LRRC49: variants seen among roughly 807,000 people sequenced by gnomAD.
LRRC49 encodes leucine-rich repeat-containing protein 49.
Under a neutral mutation model 83.3 loss-of-function variants are expected in LRRC49, and 50 were observed. That is an observed-to-expected ratio of 0.60 (90% CI 0.48 to 0.76). The LOEUF is 0.76. Among genes scored for constraint, LRRC49 ranks in the 30% least tolerant of loss-of-function variants. LRRC49 has a pLI of 0.00. For missense variants in LRRC49, 704 were observed against 809.1 expected (o/e 0.87, Z 1.58); for synonymous variants, 286 against 283.3 (o/e 1.01, Z -0.10).
chr15:70,954,820 C>A (rs2036341815), intron 8 of LRRC49, among the ~76,000 whole-genome samples: 1 of 152,090 alleles, frequency 6.6e-6, no homozygotes, highest in Non-Finnish European at 1.5e-5. Flanking sequence ...CTGGGGTGTT[C>A]CCAGACCATT....
rs943173226 is a variant in LRRC49 at position 70,923,729 on chromosome 15, G to A, written c.711+4536G>A. On this transcript the variant is annotated intron_variant, in intron 7 of 15. Coordinates refer to ENST00000260382, the MANE Select transcript of LRRC49 (RefSeq NM_017691.5). ...AGAATTCCCAGTACAAAATGCACCC[G>A]GATTCTCTAAATGATAACATTTTGC... Among the ~76,000 whole-genome samples, 7 of 151,622 alleles carry A rather than the reference G, an allele frequency of 4.6e-5. No individual in the cohort carries two copies. The East Asian group carries it at 7.7e-4, about 17-fold the overall frequency.
chr15:70,946,181 A>C (rs1473747256), intron 8 of LRRC49, among the ~76,000 whole-genome samples: 1 of 152,170 alleles, frequency 6.6e-6, no homozygotes, highest in Non-Finnish European at 1.5e-5. Flanking sequence ...TATAATCACC[A>C]TGTTGAACTA....
intron 14 of LRRC49, among the ~76,000 whole-genome samples, chr15:71,023,766 G>T (rs117759774): frequency 6.6e-6 from 1 of 152,250 alleles, no homozygotes; most frequent in South Asian, 2.1e-4. Flanking sequence ...GCACAGAGCT[G>T]TGCAGATTCT....
At chr15:71,007,034 A>G (rs1364160135) in intron 11 of LRRC49, among the ~76,000 whole-genome samples, 1 of 152,108 alleles carries the variant, frequency 6.6e-6, no homozygotes, top group Non-Finnish European at 1.5e-5. Flanking sequence ...CATAATAATC[A>G]TTGTCTTAAG....
intron 8 of LRRC49, among the ~76,000 whole-genome samples, chr15:70,963,381 G>A (rs901310612): frequency 1.3e-5 from 2 of 151,308 alleles, no homozygotes; most frequent in Admixed American, 6.6e-5. Context: ...TAACTGATGA[G>A]TATTCCTCGA....
chr15:70,900,015 C>T (rs575484324), intron 3 of LRRC49, among the ~76,000 whole-genome samples: 2 of 152,272 alleles, frequency 1.3e-5, no homozygotes, highest in South Asian at 4.2e-4. Flanking sequence ...CATTTACATT[C>T]TTCTAGTTCT....
At chr15:70,999,970 C>T (rs2038204123) in intron 11 of LRRC49, among the ~76,000 whole-genome samples, 1 of 152,196 alleles carries the variant, frequency 6.6e-6, no homozygotes, top group South Asian at 2.1e-4. Context: ...TGTCAAAACA[C>T]ACAACTACAA....
Position 71,036,757 on chromosome 15 carries a change from A to G in LRRC49, c.1704-422A>G, listed in dbSNP as rs78301568. 3.3e-3 allele frequency among the ~76,000 whole-genome samples: 499 copies of G among 152,320 alleles called. 2 individuals carry two copies. The highest frequency in any genetic ancestry group is 0.011 in the African/African-American group (468 of 41,572). On this transcript the variant is annotated intron_variant, in intron 14 of 15. Transcript: ENST00000260382. Reference sequence around the variant, plus strand: ...CCAATTCCATTTTCTAGCTATCAGTAATATTGCCAAGCTGCATAATGGAAT... The same window carrying G: ...CCAATTCCATTTTCTAGCTATCAGTGATATTGCCAAGCTGCATAATGGAAT...
chr15:70,885,825 T>C (rs2033391868), intron 2 of LRRC49, among the ~76,000 whole-genome samples: 1 of 152,166 alleles, frequency 6.6e-6, no homozygotes, highest in Non-Finnish European at 1.5e-5. Flanking sequence ...CAAAAGGATA[T>C]AGGAAATTTA....
chr15:70,923,840 T>G (rs2035094855), intron 7 of LRRC49, among the ~76,000 whole-genome samples: 1 of 151,878 alleles, frequency 6.6e-6, no homozygotes, highest in Admixed American at 6.6e-5. Flanking sequence ...TTTCAACCAT[T>G]TAAGAGTAAG....
intron 11 of LRRC49, among the ~76,000 whole-genome samples, chr15:70,993,175 C>T (rs759964511): frequency 6.6e-6 from 1 of 152,214 alleles, no homozygotes; most frequent in Non-Finnish European, 1.5e-5. Flanking sequence ...TAGGAACCCT[C>T]CTAGCCATGT....
rs186086516 is a variant in LRRC49, at chr15:70,989,573, T to G, written c.1169+5316T>G. On this transcript the variant is annotated intron_variant, in intron 11 of 15. Coordinates refer to ENST00000260382, the MANE Select transcript of LRRC49 (RefSeq NM_017691.5). ...GTTTTCAACTTCTTTGCCTTTGGTT[T>G]GAATTTCCTCCTGTAGCTCGGAGTA... 1.8e-3 allele frequency among the ~76,000 whole-genome samples: 276 copies of G among 152,302 alleles called. 1 individual carries two copies. The highest frequency in any genetic ancestry group is 6.5e-3 in the African/African-American group (271 of 41,570).
chr15:70,912,336 C>T (rs901299611), intron 6 of LRRC49, among the ~76,000 whole-genome samples: 1 of 152,032 alleles, frequency 6.6e-6, no homozygotes, highest in Non-Finnish European at 1.5e-5. Flanking sequence ...GTCTCCTGTT[C>T]TTCATATTCC....
At chr15:70,998,425 T>G (rs1476679664) in intron 11 of LRRC49, among the ~76,000 whole-genome samples, 2 of 152,156 alleles carry the variant, frequency 1.3e-5, no homozygotes, top group Non-Finnish European at 2.9e-5. Flanking sequence ...TATCTCTTAT[T>G]TGTGAAGTCC....
At chr15:70,870,956 T>TGTTTGTTTTTG (rs1555424843) in intron 1 of LRRC49, among the ~76,000 whole-genome samples, 129 of 150,206 alleles carry the variant, frequency 8.6e-4, no homozygotes, top group African/African-American at 3.1e-3. Context: ...TTTTTTTTTT[T>TGTTTGTTTTTG]TTTTTTTTTA....
At chr15:70,921,313 GT>G (rs2034996313) in intron 7 of LRRC49, among the ~76,000 whole-genome samples, 2 of 152,122 alleles carry the variant, frequency 1.3e-5, no homozygotes, top group South Asian at 4.1e-4. Flanking sequence ...TGTAGAGGTG[GT>G]TAATAATCTC....
chr15:71,013,135 G>A (rs186277055), intron 14 of LRRC49, among the ~76,000 whole-genome samples: 16 of 152,196 alleles, frequency 1.1e-4, no homozygotes, highest in Admixed American at 9.2e-4. Flanking sequence ...CAATTAAAAC[G>A]TAATGTTTCA....
chr15:70,931,665 G>A (rs1255622678), intron 7 of LRRC49, among the ~76,000 whole-genome samples: 2 of 151,724 alleles, frequency 1.3e-5, no homozygotes, highest in Non-Finnish European at 2.9e-5. Flanking sequence ...ATATTCCATA[G>A]TCTTTATCAA....
At chr15:70,996,719 A>G (rs1256542959) in intron 11 of LRRC49, among the ~76,000 whole-genome samples, 1 of 152,002 alleles carries the variant, frequency 6.6e-6, no homozygotes, top group Non-Finnish European at 1.5e-5. Flanking sequence ...TGTTTCATCC[A>G]CTATAGGCAA....
Sources: gnomAD v4.1 joint callset for allele counts (sites outside exome capture counted in the v4.1 genomes callset) on GRCh38, gnomAD v4.1.1 for gene constraint, MANE v1.5 for transcripts, NCBI Gene and HGNC (gene_info 2026-07-23, HGNC 2026-07-21) for gene names.